CDH13: variants seen among roughly 807,000 people sequenced by gnomAD.
CDH13 encodes cadherin 13.
A neutral mutation model predicts 63.8 loss-of-function variants in CDH13; 24 were observed. The observed-to-expected ratio is 0.38, with a 90% CI of 0.27 to 0.53. CDH13 has a LOEUF of 0.53. Ranked by LOEUF, CDH13 falls within the 20% of genes least tolerant of loss-of-function variation. CDH13 has a pLI of 0.85. For missense variants in CDH13, 1,049 were observed against 903.1 expected (o/e 1.16, Z -2.07); for synonymous variants, 503 against 355.3 (o/e 1.42, Z -4.67).
rs140440804 is a variant in CDH13 at position 83,051,181 on chromosome 16, G to A, written c.366+18963G>A. The stretch of plus-strand genomic sequence containing the variant: ...CTGTCAGTCTTCCCATGCTTACTGA[G>A]CCACAACGAAATGAGTCCCAACCTG... On this transcript the variant is annotated intron_variant, in intron 3 of 13. Coordinates refer to ENST00000567109, the MANE Select transcript of CDH13 (RefSeq NM_001257.5). 5.3e-5 allele frequency among the ~76,000 whole-genome samples: 8 copies of A among 152,252 alleles called. No homozygotes were observed. In the East Asian group the frequency reaches 1.2e-3, roughly 22 times the overall value.
chr16:82,924,439 T>C (rs1196573480), intron 2 of CDH13, among the ~76,000 whole-genome samples: 3 of 152,088 alleles, frequency 2.0e-5, no homozygotes, highest in African/African-American at 7.2e-5. Context: ...TCAAAACAAA[T>C]ATTTATTTAC....
rs1347929294 is a variant in CDH13, at chr16:82,673,278, T to TC, written c.45+46142dup. ...CTCAGCCGTGTGTCTCTTTCCTCTG[T>TC]CATTCATTCAACCATTCATTCATTC... On this transcript the variant is annotated intron_variant, in intron 1 of 13. Coordinates refer to ENST00000567109, the MANE Select transcript of CDH13 (RefSeq NM_001257.5). 1.1e-4 allele frequency among the ~76,000 whole-genome samples: 16 copies of TC among 152,172 alleles called. No homozygotes were observed. The East Asian group carries it at 1.3e-3, about 13-fold the overall frequency.
At chr16:82,926,883 A>G (rs752453983) in intron 2 of CDH13, among the ~76,000 whole-genome samples, 1 of 152,202 alleles carries the variant, frequency 6.6e-6, no homozygotes, top group Non-Finnish European at 1.5e-5. Context: ...TTATAATTGT[A>G]TAAGAAACCA....
At chr16:83,215,198 T>G (rs1002141191) in intron 4 of CDH13, among the ~76,000 whole-genome samples, 4 of 145,566 alleles carry the variant, frequency 2.7e-5, no homozygotes, top group Non-Finnish European at 6.0e-5. Flanking sequence ...TGCCTCAGCC[T>G]CCAGAGTAAC....
chr16:83,661,699 T>A (rs1035562431), intron 8 of CDH13, among the ~76,000 whole-genome samples: 3 of 152,206 alleles, frequency 2.0e-5, no homozygotes, highest in African/African-American at 7.2e-5. Flanking sequence ...CAGGGTCATG[T>A]AGAGGAAGAG....
intron 1 of CDH13, among the ~76,000 whole-genome samples, chr16:82,650,341 G>A (rs778001628): frequency 2.0e-5 from 3 of 152,320 alleles, no homozygotes; most frequent in East Asian, 3.9e-4. Context: ...GCAAGGTAGT[G>A]AGGACTTGGA....
chr16:82,639,327 GTTC>G, intron 1 of CDH13: 1 of 1,478,778 alleles, frequency 6.8e-7, no homozygotes, highest in Non-Finnish European at 9.1e-7. Context: ...GGTCATTTGT[GTTC>G]TTTGTCTCCA....
At chr16:83,037,210 G>A (rs1204690265) in intron 3 of CDH13, among the ~76,000 whole-genome samples, 1 of 152,170 alleles carries the variant, frequency 6.6e-6, no homozygotes, top group East Asian at 1.9e-4. Context: ...CTTAGTCTAT[G>A]TTTAGCCTAT....
chr16:82,810,875 CAG>C (rs1299761876), intron 1 of CDH13, among the ~76,000 whole-genome samples: 1 of 146,116 alleles, frequency 6.8e-6, no homozygotes, highest in Non-Finnish European at 1.5e-5. Context: ...GATTGTGAGT[CAG>C]GGGGAAATGG....
At chr16:83,541,332 CTTCATTATCCTTTACCAAATG>C (rs2075292134) in intron 7 of CDH13, among the ~76,000 whole-genome samples, 1 of 152,202 alleles carries the variant, frequency 6.6e-6, no homozygotes, top group Non-Finnish European at 1.5e-5. Context: ...AATATGATCA[CTTCATTATCCTTTACCAAATG>C]TTCATTGCAT....
chr16:82,717,929 C>T (rs777838157), intron 1 of CDH13, among the ~76,000 whole-genome samples: 1 of 152,068 alleles, frequency 6.6e-6, no homozygotes, highest in Non-Finnish European at 1.5e-5. Context: ...GATGAGTTTC[C>T]TAAAAGAAAA....
intron 7 of CDH13, among the ~76,000 whole-genome samples, chr16:83,521,965 C>T (rs1476358336): frequency 2.0e-5 from 3 of 152,084 alleles, no homozygotes; most frequent in Non-Finnish European, 4.4e-5. Flanking sequence ...ATTTTTCAAG[C>T]GATTTTCTGA....
At chr16:83,289,588 G>A (rs1027212474) in intron 5 of CDH13, among the ~76,000 whole-genome samples, 3 of 152,090 alleles carry the variant, frequency 2.0e-5, no homozygotes, top group African/African-American at 7.2e-5. Context: ...ACAGGATTCA[G>A]CATAATATAA....
chr16:83,293,698 A>G lies in CDH13; in HGVS notation c.637-51164A>G, dbSNP rs2089518961. ...AACTGGATATTTGTCTTTTCATGTC[A>G]ACTTATTCATTCAGAGCAGGTGTGG... On this transcript the variant is annotated intron_variant, in intron 5 of 13. Transcript: ENST00000567109. 2.0e-5 allele frequency among the ~76,000 whole-genome samples: 3 copies of G among 152,202 alleles called. No homozygotes were observed. The South Asian group carries it at 6.2e-4, about 32-fold the overall frequency.
At chr16:82,822,936 G>A (rs1364273649) in intron 1 of CDH13, among the ~76,000 whole-genome samples, 3 of 152,200 alleles carry the variant, frequency 2.0e-5, no homozygotes, top group Non-Finnish European at 4.4e-5. Flanking sequence ...GCCGAGGCTG[G>A]AGTCATCTGG....
intron 1 of CDH13, among the ~76,000 whole-genome samples, chr16:82,703,437 G>T (rs1245879047): frequency 6.6e-6 from 1 of 152,120 alleles, no homozygotes; most frequent in Non-Finnish European, 1.5e-5. Flanking sequence ...CTCAACCAGG[G>T]ATGAATACAG....
chr16:82,730,096 T>A (rs1370418606), intron 1 of CDH13, among the ~76,000 whole-genome samples: 1 of 152,184 alleles, frequency 6.6e-6, no homozygotes, highest in Non-Finnish European at 1.5e-5. Context: ...CACTTAGACT[T>A]TCTCCCCATC....
chr16:83,264,006 A>T (rs1907297113), intron 5 of CDH13, among the ~76,000 whole-genome samples: 1 of 152,222 alleles, frequency 6.6e-6, no homozygotes, highest in African/African-American at 2.4e-5. Flanking sequence ...AGATTCCAAG[A>T]TAGAAGTACC....
chr16:83,044,850 TTC>T, intron 3 of CDH13, among the ~76,000 whole-genome samples: 2 of 152,272 alleles, frequency 1.3e-5, no homozygotes, highest in East Asian at 3.9e-4. Context: ...GCTCGGGGCT[TTC>T]ACATAGATGG....
Sources: allele counts gnomAD v4.1 joint callset (sites outside exome capture counted in the v4.1 genomes callset), GRCh38; gene constraint gnomAD v4.1.1; transcripts MANE v1.5; gene names NCBI Gene and HGNC (gene_info 2026-07-23, HGNC 2026-07-21).